Variants in ACTR3C observed in about 807,000 individuals in gnomAD.
The protein encoded by ACTR3C is actin related protein 3C, also known as actin-related protein 3C.
ACTR3C carries 18 observed loss-of-function variants against 26.3 expected under a neutral mutation model. The ratio of observed to expected loss-of-function variants is 0.68; its 90% CI spans 0.47 to 1.01. The LOEUF is 1.01. Among genes scored for constraint, ACTR3C ranks in the 50% least tolerant of loss-of-function variants. The probability of loss-of-function intolerance (pLI) is 0.00; values close to 1 mark genes in which losing one functional copy is unlikely to be tolerated. For synonymous variants in ACTR3C, 55 were observed against 94.5 expected, an observed-to-expected ratio of 0.58 and a Z score of 2.42; for missense variants, 184 against 250.7, an observed-to-expected ratio of 0.73 and a Z score of 1.80.
intron 6 of ACTR3C, among the ~76,000 whole-genome samples, chr7:150,255,472 C>T (rs1308177886): frequency 6.6e-6 from 1 of 152,020 alleles, no homozygotes; most frequent in Non-Finnish European, 1.5e-5. Flanking sequence ...GGACTCAATA[C>T]ACTTACCTAG....
chr7:150,026,997 C>G, the ACTR3C span, among the ~76,000 whole-genome samples: 1 of 151,862 alleles, frequency 6.6e-6, no homozygotes, highest in Non-Finnish European at 1.5e-5. Flanking sequence ...CAAACCGAGG[C>G]TTAAGGTTTT....
chr7:149,907,485 TC>T, the ACTR3C span, among the ~76,000 whole-genome samples: 16 of 64,980 alleles, frequency 2.5e-4, no homozygotes, highest in African/African-American at 6.6e-4. Context: ...CTCTTCTCTC[TC>T]TCTCTCTCTC....
the ACTR3C span, among the ~76,000 whole-genome samples, chr7:150,058,508 G>A: frequency 6.6e-6 from 1 of 152,182 alleles, no homozygotes; most frequent in African/African-American, 2.4e-5. Context: ...GTAAGAGAGA[G>A]TGGTCAGAGG....
the ACTR3C span, among the ~76,000 whole-genome samples, chr7:150,063,794 T>C: frequency 6.6e-6 from 1 of 152,174 alleles, no homozygotes; most frequent in Non-Finnish European, 1.5e-5. Context: ...GCTGGGTCTG[T>C]AGATGCCAGG....
At chr7:150,048,646 C>T in the ACTR3C span, among the ~76,000 whole-genome samples, 1 of 151,340 alleles carries the variant, frequency 6.6e-6, no homozygotes, top group Non-Finnish European at 1.5e-5. Flanking sequence ...CCCGGGGCGC[C>T]CCAGCCACGC....
the ACTR3C span, among the ~76,000 whole-genome samples, chr7:149,920,966 A>G: frequency 6.6e-6 from 1 of 151,598 alleles, no homozygotes; most frequent in Admixed American, 6.6e-5. Flanking sequence ...GGGTTTCTCC[A>G]TGTTGGTCAG....
chr7:149,978,028 G>A, the ACTR3C span, among the ~76,000 whole-genome samples: 10 of 150,912 alleles, frequency 6.6e-5, no homozygotes, highest in East Asian at 2.0e-3. Context: ...AGGGGTAGGG[G>A]GTGGCATGAA....
chr7:150,137,853 C>T, the ACTR3C span, among the ~76,000 whole-genome samples: 1 of 152,178 alleles, frequency 6.6e-6, no homozygotes, highest in Non-Finnish European at 1.5e-5. Flanking sequence ...TTTCATGTTA[C>T]ATTCAAGAAA....
the ACTR3C span, among the ~76,000 whole-genome samples, chr7:150,221,951 T>C: frequency 1.0e-4 from 14 of 136,376 alleles, no homozygotes; most frequent in Non-Finnish European, 2.0e-4. Context: ...TGAGCCGAGA[T>C]GGCACCACTG....
chr7:150,025,541 C>T, the ACTR3C span, among the ~76,000 whole-genome samples: 2 of 151,950 alleles, frequency 1.3e-5, no homozygotes, highest in East Asian at 1.9e-4. Context: ...ACAACGGTGT[C>T]CTCTTTTACT....
At chr7:149,882,944 A>G in the ACTR3C span, among the ~76,000 whole-genome samples, 2 of 152,186 alleles carry the variant, frequency 1.3e-5, no homozygotes, top group African/African-American at 4.8e-5. Flanking sequence ...AGCCTGGGAG[A>G]CAGGCCCCAT....
chr7:150,015,334 C>T, the ACTR3C span, among the ~76,000 whole-genome samples: 16 of 152,162 alleles, frequency 1.1e-4, no homozygotes, highest in African/African-American at 3.9e-4. Flanking sequence ...AGAAAGGTCA[C>T]TCAAGTTGAT....
At chr7:150,289,824 T>G (rs571013197) in intron 3 of ACTR3C, among the ~76,000 whole-genome samples, 44 of 144,634 alleles carry the variant, frequency 3.0e-4, no homozygotes, top group African/African-American at 9.6e-4. Context: ...CCTGACACTC[T>G]CCAAAAGCAA....
At chr7:150,066,603 C>G in the ACTR3C span, among the ~76,000 whole-genome samples, 1 of 152,246 alleles carries the variant, frequency 6.6e-6, no homozygotes, top group East Asian at 1.9e-4. Context: ...ACTTAATAAG[C>G]CATAAACTGA....
At chr7:149,935,840 G>A in the ACTR3C span, among the ~76,000 whole-genome samples, 2 of 152,210 alleles carry the variant, frequency 1.3e-5, no homozygotes, top group African/African-American at 4.8e-5. Context: ...TTTGAGAAAA[G>A]AGAAAGGTGT....
At chr7:149,979,367 G>C in the ACTR3C span, among the ~76,000 whole-genome samples, 1 of 152,184 alleles carries the variant, frequency 6.6e-6, no homozygotes, top group African/African-American at 2.4e-5. Context: ...CTACAGTGAG[G>C]TAAGAATGGC....
chr7:149,893,222 G>A, the ACTR3C span, among the ~76,000 whole-genome samples: 92,822 of 151,912 alleles, frequency 0.61, 30,396 homozygotes, highest in South Asian at 0.8. Flanking sequence ...CCTCACTTGA[G>A]GGCTTCCTTG....
the ACTR3C span, among the ~76,000 whole-genome samples, chr7:150,125,564 A>ATTT: frequency 1.4e-5 from 2 of 142,368 alleles, no homozygotes; most frequent in Admixed American, 7.1e-5. Flanking sequence ...AAGTGAAATA[A>ATTT]TTTTTTTTTT....
chr7:150,018,958 A>C, the ACTR3C span, among the ~76,000 whole-genome samples: 18 of 150,384 alleles, frequency 1.2e-4, no homozygotes, highest in Non-Finnish European at 4.4e-5. Context: ...TGAAAGTCGT[A>C]ATATAAATTG....
Sources: allele counts gnomAD v4.1 joint callset (sites outside exome capture counted in the v4.1 genomes callset), GRCh38; gene constraint gnomAD v4.1.1; transcripts MANE v1.5; gene names NCBI Gene and HGNC (gene_info 2026-07-23, HGNC 2026-07-21).